RAD51AP2: variants seen among roughly 807,000 people sequenced by gnomAD.
The protein encoded by RAD51AP2 is RAD51-associated protein 2.
In RAD51AP2, 67 loss-of-function variants were observed where a neutral mutation model predicts 85.5. The observed-to-expected ratio is 0.78, with a 90% CI of 0.64 to 0.96. The LOEUF (loss-of-function observed/expected upper bound fraction) is 0.96, where lower values mean the gene tolerates loss of function less well. Ranked by LOEUF, RAD51AP2 falls within the 40% of genes least tolerant of loss-of-function variation. The probability of loss-of-function intolerance (pLI) is 0.00; values close to 1 mark genes in which losing one functional copy is unlikely to be tolerated. For synonymous variants in RAD51AP2, 474 were observed against 446.5 expected (o/e 1.06, Z -0.78); for missense variants, 1,307 against 1,332.4 (o/e 0.98, Z 0.30).
At chr2:17,537,387 A>G in the RAD51AP2 span, among the ~76,000 whole-genome samples, 2 of 152,210 alleles carry the variant, frequency 1.3e-5, no homozygotes, top group Non-Finnish European at 2.9e-5. Flanking sequence ...CTTTTCTGTA[A>G]TGATTAATAC....
In RAD51AP2 at chr2:17,516,782, A is replaced by G. The variant is rs370567024; in HGVS notation, c.1634T>C (p.Ile545Thr). ...TCTGGTTATTAGATTTTGAATACCA[A>G]TTATACCAATTTGCTTTTTACACTT... ...ILKCKKQIGI[I>T]GIQNLITRNM... The change falls in exon 1 of 3, where the codon ATT becomes ACT. Residue 545 changes from isoleucine (I) to threonine (T), a missense_variant. Coordinates refer to ENST00000399080, the MANE Select transcript of RAD51AP2 (RefSeq NM_001099218.3). 6.4e-7 allele frequency: 1 copy of G among 1,555,356 alleles called. No individual in the cohort carries two copies. The highest frequency in any genetic ancestry group is 1.2e-5 in the South Asian group (1 of 82,850).
In RAD51AP2 at chr2:17,518,283, A is replaced by G. The variant is rs752786814; in HGVS notation, c.133T>C (p.Phe45Leu). 1 of 1,614,130 alleles carries G rather than the reference A, an allele frequency of 6.2e-7. No homozygotes were observed. Among genetic ancestry groups the G allele is most frequent in the East Asian group, 2.2e-5 (1 of 44,882 alleles). The change falls in exon 1 of 3, where the codon TTT becomes CTT. Residue 45 changes from phenylalanine (F) to leucine (L), a missense_variant. Coordinates refer to ENST00000399080, the MANE Select transcript of RAD51AP2 (RefSeq NM_001099218.3). ...AGAGGCAGTCGCCAGCCCGCCTTAA[A>G]GACACCTCCAGGCTCCTCAAGACAG... ...RLCLEEPGGVFKAGWRLPLVP... is the reference protein window; with the variant it reads ...RLCLEEPGGVLKAGWRLPLVP...
upstream of RAD51AP2, among the ~76,000 whole-genome samples, chr2:17,522,031 A>G (rs1662867698): frequency 6.6e-6 from 1 of 152,050 alleles, no homozygotes; most frequent in African/African-American, 2.4e-5. Flanking sequence ...ATATTGTAAT[A>G]AACCAGTCTT....
chr2:17,517,494 G>C lies in RAD51AP2; in HGVS notation c.922C>G (p.Gln308Glu). ...WSQNRPDVKK[Q>E]KLQNDKKTVE... ...GTTTTTTTATCATTCTGTAACTTTT[G>C]CTTCTTAACATCAGGTCTATTTTGG... The change falls in exon 1 of 3, where the codon CAA (glutamine) becomes GAA (glutamate). Residue 308 changes from glutamine (Q) to glutamate (E), a missense_variant. Gln to Glu is a conservative substitution (Grantham distance 29). Transcript: ENST00000399080. 6.2e-7 allele frequency: 1 copy of C among 1,613,822 alleles called. No homozygotes were observed. The highest frequency in any genetic ancestry group is 8.5e-7 in the Non-Finnish European group (1 of 1,179,912).
upstream of RAD51AP2, among the ~76,000 whole-genome samples, chr2:17,519,886 T>C (rs1399268700): frequency 6.6e-6 from 1 of 152,204 alleles, no homozygotes; most frequent in African/African-American, 2.4e-5. Flanking sequence ...AGCTAAGGTG[T>C]ATATAATTGG....
intron 2 of RAD51AP2, among the ~76,000 whole-genome samples, chr2:17,512,987 C>T (rs1414810488): frequency 1.3e-5 from 2 of 152,122 alleles, no homozygotes; most frequent in East Asian, 3.9e-4. Context: ...TGATGCATGA[C>T]TTAAGATGTT....
chr2:17,534,525 G>A, the RAD51AP2 span, among the ~76,000 whole-genome samples: 3 of 151,832 alleles, frequency 2.0e-5, no homozygotes, highest in East Asian at 5.8e-4. Flanking sequence ...CTTTTAGAAA[G>A]CATTACAATA....
Position 17,518,233 on chromosome 2 carries a change from T to C in RAD51AP2, c.183A>G (p.Glu61=), listed in dbSNP as rs746605863. ...GTCTAGGGGACAACTCCCAGACTTT[T>C]TCCGCCTCAGACAAGCGAGGCACCA... ...LPLVPRLSEA[E]KVWELSPRPF... is the part of the protein sequence containing the mutation. Residue 61 remains glutamate (E), a synonymous_variant, in exon 1 of 3, where the codon GAA becomes GAG. Coordinates refer to ENST00000399080, the MANE Select transcript of RAD51AP2 (RefSeq NM_001099218.3). 9.9e-6 allele frequency: 16 copies of C among 1,614,062 alleles called. No homozygotes were observed. Among genetic ancestry groups the C allele is most frequent in the Non-Finnish European group, 1.4e-5 (16 of 1,180,038 alleles).
At position 17,515,928 on chromosome 2, in the gene RAD51AP2, C is replaced by T; in HGVS notation, c.2488G>A (p.Asp830Asn). Residue 830 changes from aspartate (D) to asparagine (N), a missense_variant, in exon 1 of 3, where the codon GAC becomes AAC. Physicochemically the swap from Asp to Asn is conservative, Grantham distance 23. Around this residue, in one of 3 missense-constraint regions of RAD51AP2, gnomAD observed 668 missense variants for 671.0 expected, o/e 1.00. Transcript: ENST00000399080. ...TTTACTTCCTCTTTCAAAATTAAGT[C>T]ATATTTTTTTTCTTCTATTTCACTT... ...LLSEIEEKKYDLILKEEVKVT... is the reference protein window; with the variant it reads ...LLSEIEEKKYNLILKEEVKVT... 6.2e-7 allele frequency: 1 copy of T among 1,602,796 alleles called. No individual in the cohort carries two copies. Among genetic ancestry groups the T allele is most frequent in the Non-Finnish European group, 8.5e-7 (1 of 1,177,202 alleles).
chr2:17,516,025 G>T lies in RAD51AP2; in HGVS notation c.2391C>A (p.Ser797Arg). The change falls in exon 1 of 3, where the codon AGC becomes AGA. Residue 797 changes from serine to arginine, a missense_variant. Ser to Arg is a moderately radical substitution (Grantham distance 110). Coordinates refer to ENST00000399080, the MANE Select transcript of RAD51AP2 (RefSeq NM_001099218.3). ...CNVRQQAIPA[S>R]HNIIHNEETH... ...TCTCTTCATTATGTATTATGTTGTGGCTTGCTGGTATGGCCTGTTGCCTAA... is the reference window on the plus strand; with the variant it reads ...TCTCTTCATTATGTATTATGTTGTGTCTTGCTGGTATGGCCTGTTGCCTAA... 6.2e-7 allele frequency: 1 copy of T among 1,613,752 alleles called. No individual in the cohort carries two copies. The highest frequency in any genetic ancestry group is 8.5e-7 in the Non-Finnish European group (1 of 1,179,806).
the RAD51AP2 span, among the ~76,000 whole-genome samples, chr2:17,524,738 G>A: frequency 6.6e-6 from 1 of 151,712 alleles, no homozygotes; most frequent in Non-Finnish European, 1.5e-5. Context: ...TTTAGCATGG[G>A]ACCTACCATA....
chr2:17,517,156 A>T lies in RAD51AP2; in HGVS notation c.1260T>A (p.Cys420Ter). Residue 420 changes from cysteine (C) to a stop codon, truncating the protein, a stop_gained, in exon 1 of 3, where the codon TGT (cysteine) becomes TGA (stop). Coordinates refer to ENST00000399080, the MANE Select transcript of RAD51AP2 (RefSeq NM_001099218.3). LOFTEE classifies it high-confidence loss of function. ...CWIINNCKTKCENMKKTEEKW... is the reference protein window; with the variant it reads ...CWIINNCKTK ...TTTCTTCAGTTTTTTTCATATTTTCACATTTAGTCTTGCAATTATTTATAA... is the reference window on the plus strand; with the variant it reads ...TTTCTTCAGTTTTTTTCATATTTTCTCATTTAGTCTTGCAATTATTTATAA... The T allele has an allele frequency of 6.2e-7, 1 of 1,607,370 alleles. No homozygotes were observed. Among genetic ancestry groups the T allele is most frequent in the Non-Finnish European group, 8.5e-7 (1 of 1,177,830 alleles).
the RAD51AP2 span, among the ~76,000 whole-genome samples, chr2:17,526,692 G>A: frequency 1.3e-5 from 2 of 152,098 alleles, no homozygotes; most frequent in Non-Finnish European, 2.9e-5. Flanking sequence ...ATTGGGGATT[G>A]AGAAATAGAA....
the RAD51AP2 span, among the ~76,000 whole-genome samples, chr2:17,530,426 A>G: frequency 6.6e-6 from 1 of 151,912 alleles, no homozygotes; most frequent in African/African-American, 2.4e-5. Flanking sequence ...TAAAGACATA[A>G]ACAGATTAGC....
intron 2 of RAD51AP2, among the ~76,000 whole-genome samples, chr2:17,512,805 G>A (rs982232636): frequency 2.6e-5 from 4 of 152,036 alleles, no homozygotes; most frequent in Non-Finnish European, 4.4e-5. Context: ...CCTTCATCCC[G>A]GGGAGAAGAG....
rs780877646 is a variant in RAD51AP2, at chr2:17,515,403, C to T, written c.3013G>A (p.Asp1005Asn). ...ATCTCCATTTTTACCTTCTCAGCAT[C>T]ATTTTCTCCAAAGTAATTTTCTTGC... ...NGQENYFGEN[D>N]AEKVKMEIEK... Residue 1005 changes from aspartate (D) to asparagine (N), a missense_variant, in exon 1 of 3, where the codon GAT becomes AAT. Physicochemically the swap from Asp to Asn is conservative, Grantham distance 23. Around this residue, in one of 3 missense-constraint regions of RAD51AP2, gnomAD observed 668 missense variants for 671.0 expected, o/e 1.00. Coordinates refer to ENST00000399080, the MANE Select transcript of RAD51AP2 (RefSeq NM_001099218.3). The T allele has an allele frequency of 6.2e-7, 1 of 1,612,004 alleles. No individual in the cohort carries two copies. Among genetic ancestry groups the T allele is most frequent in the Non-Finnish European group, 8.5e-7 (1 of 1,179,500 alleles).
chr2:17,525,534 C>T, the RAD51AP2 span, among the ~76,000 whole-genome samples: 7 of 151,976 alleles, frequency 4.6e-5, no homozygotes, highest in Admixed American at 2.0e-4. Flanking sequence ...TAATTATGCC[C>T]TATATGGGGA....
At chr2:17,523,038 CCA>C (rs1419627649), upstream of RAD51AP2, among the ~76,000 whole-genome samples, 1 of 151,738 alleles carries the variant, frequency 6.6e-6, no homozygotes, top group African/African-American at 2.4e-5. Flanking sequence ...AATCTATAGT[CCA>C]CTCATTCCTT....
rs1161480656 is a variant in RAD51AP2 at position 17,517,477 on chromosome 2, A to G, written c.939T>C (p.Asp313=). ...TGTTTTCCGCTTCTACAGTTTTTTT[A>G]TCATTCTGTAACTTTTGCTTCTTAA... is the stretch of plus-strand genomic sequence containing the variant. ...PDVKKQKLQN[D]KKTVEAENIF... Residue 313 remains aspartate, a synonymous_variant, in exon 1 of 3, where the codon GAT becomes GAC. Coordinates refer to ENST00000399080, the MANE Select transcript of RAD51AP2 (RefSeq NM_001099218.3). The G allele has an allele frequency of 6.2e-7, 1 of 1,613,988 alleles. No individual in the cohort carries two copies.
Sources: allele counts gnomAD v4.1 joint callset (sites outside exome capture counted in the v4.1 genomes callset), GRCh38; gene constraint gnomAD v4.1.1; regional missense constraint gnomAD v4.1.1; transcripts MANE v1.5; gene names NCBI Gene and HGNC (gene_info 2026-07-23, HGNC 2026-07-21).